PRKG1: variants seen among roughly 807,000 people sequenced by gnomAD.
The protein encoded by PRKG1 is cGMP-dependent protein kinase 1.
A neutral mutation model predicts 88.1 loss-of-function variants in PRKG1; 35 were observed. The observed-to-expected ratio is 0.40, with a 90% CI of 0.30 to 0.53. PRKG1 has a LOEUF of 0.53. Ranked by LOEUF, PRKG1 falls within the 20% of genes least tolerant of loss-of-function variation. The pLI is 0.59. For synonymous variants in PRKG1, 303 were observed against 292.5 expected, an observed-to-expected ratio of 1.04 and a Z score of -0.37; for missense variants, 540 against 839.8, an observed-to-expected ratio of 0.64 and a Z score of 4.41.
chr10:51,685,539 A>G (rs1840966198), intron 3 of PRKG1, among the ~76,000 whole-genome samples: 2 of 152,176 alleles, frequency 1.3e-5, no homozygotes, highest in South Asian at 4.1e-4. Context: ...AAATTGCACT[A>G]TTATAGTCTC....
intron 4 of PRKG1, among the ~76,000 whole-genome samples, chr10:51,890,017 A>G (rs1199959467): frequency 6.6e-6 from 1 of 151,852 alleles, no homozygotes; most frequent in Admixed American, 6.6e-5. Flanking sequence ...TTGCCTGTTC[A>G]CTCTGATGGT....
At chr10:51,895,500 T>C (rs1456379183) in intron 4 of PRKG1, among the ~76,000 whole-genome samples, 2 of 152,150 alleles carry the variant, frequency 1.3e-5, no homozygotes, top group Non-Finnish European at 2.9e-5. Flanking sequence ...TGTCTGAGCA[T>C]TGGCCAAAAG....
chr10:51,837,643 C>G (rs1288267549), intron 4 of PRKG1, among the ~76,000 whole-genome samples: 9 of 152,070 alleles, frequency 5.9e-5, no homozygotes, highest in African/African-American at 2.2e-4. Flanking sequence ...AGGGGGCTCT[C>G]CTTCATGATC....
At chr10:51,035,406 A>G (rs1043144578) in intron 1 of PRKG1, among the ~76,000 whole-genome samples, 63 of 152,316 alleles carry the variant, frequency 4.1e-4, no homozygotes, top group African/African-American at 1.5e-3. Flanking sequence ...TTTGTTGGTC[A>G]TAAGAAACAA....
chr10:51,629,313 G>A (rs1839464678), intron 3 of PRKG1, among the ~76,000 whole-genome samples: 1 of 151,988 alleles, frequency 6.6e-6, no homozygotes, highest in Non-Finnish European at 1.5e-5. Flanking sequence ...GATGCTTTGA[G>A]GATGATTCAA....
intron 3 of PRKG1, among the ~76,000 whole-genome samples, chr10:51,777,134 G>C (rs1838460430): frequency 6.6e-6 from 1 of 152,050 alleles, no homozygotes; most frequent in South Asian, 2.1e-4. Context: ...TAAAATAGTA[G>C]TCTAATTTGT....
At chr10:52,291,405 CT>C (rs1842241189) in intron 17 of PRKG1, among the ~76,000 whole-genome samples, 1 of 107,214 alleles carries the variant, frequency 9.3e-6, no homozygotes, top group Non-Finnish European at 1.8e-5. Flanking sequence ...TCCCTCCCCC[CT>C]CCCCCCACCC....
At chr10:51,009,377 C>G (rs1842969574) in intron 1 of PRKG1, among the ~76,000 whole-genome samples, 2 of 152,176 alleles carry the variant, frequency 1.3e-5, no homozygotes, top group African/African-American at 4.8e-5. Flanking sequence ...TTATTCTCTG[C>G]ATTTAAAAGT....
chr10:51,040,702 A>C (rs1345743922), intron 1 of PRKG1, among the ~76,000 whole-genome samples: 1 of 151,914 alleles, frequency 6.6e-6, no homozygotes, highest in Non-Finnish European at 1.5e-5. Context: ...TAGGTGTTTA[A>C]TTTTATTTGT....
In PRKG1 at chr10:51,839,680, C is replaced by T. The variant is rs145891128; in HGVS notation, c.698+34990C>T. Among the ~76,000 whole-genome samples the T allele has an allele frequency of 2.3e-4, 35 of 152,174 alleles. 1 individual carries two copies. The East Asian group carries it at 6.4e-3, about 28-fold the overall frequency. On this transcript the variant is annotated intron_variant, in intron 4 of 17. Transcript: ENST00000373980. ...TCGATAATCGTAGTGGTTTACTAAC[C>T]AATATTCTACAGGGAAGAATTATTC...
chr10:51,338,798 T>C (rs211089), intron 2 of PRKG1, among the ~76,000 whole-genome samples: 4,526 of 152,252 alleles, frequency 0.03, 214 homozygotes, highest in African/African-American at 0.1. Flanking sequence ...TTACCTGAGG[T>C]TGAAATATTT....
intron 1 of PRKG1, among the ~76,000 whole-genome samples, chr10:51,022,264 G>A (rs1257639927): frequency 6.6e-6 from 1 of 152,136 alleles, no homozygotes; most frequent in Non-Finnish European, 1.5e-5. Context: ...GGGGCCTCAG[G>A]TCTGTTGGAT....
intron 2 of PRKG1, among the ~76,000 whole-genome samples, chr10:51,318,643 A>C (rs1564444455): frequency 6.6e-6 from 1 of 152,144 alleles, no homozygotes; most frequent in East Asian, 1.9e-4. Flanking sequence ...TTCCAAGGAC[A>C]AGAAATCAAG....
chr10:51,758,426 C>T (rs1257067157), intron 3 of PRKG1, among the ~76,000 whole-genome samples: 1 of 152,044 alleles, frequency 6.6e-6, no homozygotes, highest in African/African-American at 2.4e-5. Flanking sequence ...GGGTTATTGG[C>T]CCTCAGAAAA....
At chr10:51,223,054 A>G (rs1317082215) in intron 2 of PRKG1, among the ~76,000 whole-genome samples, 2 of 151,854 alleles carry the variant, frequency 1.3e-5, no homozygotes, top group African/African-American at 4.8e-5. Context: ...CTTAAAATCT[A>G]CTCACTTCAC....
chr10:51,528,650 C>T (rs1176924993), intron 3 of PRKG1, among the ~76,000 whole-genome samples: 1 of 148,544 alleles, frequency 6.7e-6, no homozygotes. Flanking sequence ...TAAACAGGCA[C>T]AGCTATCCTT....
chr10:52,120,923 A>G (rs991607413), intron 7 of PRKG1, among the ~76,000 whole-genome samples: 3 of 152,052 alleles, frequency 2.0e-5, no homozygotes, highest in Admixed American at 6.6e-5. Flanking sequence ...CCTGGGCCCC[A>G]AGCTGTCCAC....
At chr10:51,331,555 C>G (rs1225571157) in intron 2 of PRKG1, among the ~76,000 whole-genome samples, 2 of 152,174 alleles carry the variant, frequency 1.3e-5, no homozygotes, top group Non-Finnish European at 2.9e-5. Flanking sequence ...CCATGCTTAG[C>G]TGTGCAACCT....
At chr10:52,088,619 A>T (rs1300300088) in intron 7 of PRKG1, among the ~76,000 whole-genome samples, 1 of 152,168 alleles carries the variant, frequency 6.6e-6, no homozygotes, top group Admixed American at 6.5e-5. Context: ...GGACACAGTA[A>T]CAGGGTGCCA....
Sources: gnomAD v4.1 joint callset for allele counts (sites outside exome capture counted in the v4.1 genomes callset) on GRCh38, gnomAD v4.1.1 for gene constraint, MANE v1.5 for transcripts, NCBI Gene and HGNC (gene_info 2026-07-23, HGNC 2026-07-21) for gene names.